Variants in KCNMA1 observed in about 807,000 individuals in gnomAD.
KCNMA1 encodes Calcium-activated potassium channel subunit alpha-1.
KCNMA1 carries 29 observed loss-of-function variants against 140.0 expected under a neutral mutation model. That is an observed-to-expected ratio of 0.21 (90% CI 0.15 to 0.28). The LOEUF (loss-of-function observed/expected upper bound fraction) is 0.28. Among genes scored for constraint, KCNMA1 ranks in the 10% least tolerant of loss-of-function variants. The probability of loss-of-function intolerance (pLI) is 1.00; values close to 1 mark genes in which losing one functional copy is unlikely to be tolerated. For missense variants in KCNMA1, 880 were observed against 1,602.2 expected (o/e 0.55, Z 7.70); for synonymous variants, 612 against 611.9 (o/e 1.00, Z 0.00).
At chr10:77,542,977 G>A (rs2060522412) in intron 1 of KCNMA1, among the ~76,000 whole-genome samples, 1 of 152,092 alleles carries the variant, frequency 6.6e-6, no homozygotes, top group African/African-American at 2.4e-5. Flanking sequence ...TAGAAAAAGA[G>A]CTATAAAACA....
Position 77,481,160 on chromosome 10 carries a change from C to T in KCNMA1, c.379-77137G>A, listed in dbSNP as rs1027145675. Among the ~76,000 whole-genome samples the T allele has an allele frequency of 8.6e-5, 13 of 151,030 alleles. No individual in the cohort carries two copies. The East Asian group carries it at 9.8e-4, about 11-fold the overall frequency. On this transcript the variant is annotated intron_variant, in intron 1 of 27. Transcript: ENST00000286628. ...ACACATGTGTATGCACATACACACG[C>T]GTGCACACACACACATACACACAGC...
At chr10:77,471,638 C>T (rs2098154817) in intron 1 of KCNMA1, among the ~76,000 whole-genome samples, 1 of 148,466 alleles carries the variant, frequency 6.7e-6, no homozygotes, top group Admixed American at 6.7e-5. Context: ...AATACACACC[C>T]AACACATATA....
At chr10:76,958,021 C>T (rs748252619) in intron 20 of KCNMA1, among the ~76,000 whole-genome samples, 81 of 152,308 alleles carry the variant, frequency 5.3e-4, no homozygotes, top group Middle Eastern at 6.8e-3. Flanking sequence ...AGTCAGTTGT[C>T]CACAGGGACT....
At chr10:77,303,334 T>C (rs1158130528) in intron 2 of KCNMA1, among the ~76,000 whole-genome samples, 1 of 152,100 alleles carries the variant, frequency 6.6e-6, no homozygotes, top group Non-Finnish European at 1.5e-5. Context: ...TTATGCATTA[T>C]CTCATAAAGG....
Position 77,345,459 on chromosome 10 carries a change from G to A in KCNMA1, c.540+58403C>T, listed in dbSNP as rs555729717. Reference sequence around the variant, plus strand: ...ATCAGGAGGAGATGCTTCTGACTTAGTGAGTCTAGAAGACCCTGGCCTCCC... The same window carrying A: ...ATCAGGAGGAGATGCTTCTGACTTAATGAGTCTAGAAGACCCTGGCCTCCC... On this transcript the variant is annotated intron_variant, in intron 2 of 27. Coordinates refer to ENST00000286628, the MANE Select transcript of KCNMA1 (RefSeq NM_001161352.2). 5.3e-5 allele frequency among the ~76,000 whole-genome samples: 8 copies of A among 152,308 alleles called. No individual in the cohort carries two copies. The South Asian group carries it at 1.2e-3, about 24-fold the overall frequency.
At chr10:77,530,003 C>T (rs754757003) in intron 1 of KCNMA1, among the ~76,000 whole-genome samples, 3 of 152,172 alleles carry the variant, frequency 2.0e-5, no homozygotes, top group Non-Finnish European at 2.9e-5. Context: ...GCGCATGCCC[C>T]GACAACAAAG....
chr10:77,524,224 A>C (rs2054684740), intron 1 of KCNMA1, among the ~76,000 whole-genome samples: 1 of 152,260 alleles, frequency 6.6e-6, no homozygotes, highest in Admixed American at 6.5e-5. Flanking sequence ...CACTCTCTAG[A>C]GAACACAGCT....
At chr10:77,072,776 C>G (rs912228869) in intron 14 of KCNMA1, among the ~76,000 whole-genome samples, 6 of 152,102 alleles carry the variant, frequency 3.9e-5, no homozygotes, top group Admixed American at 1.3e-4. Context: ...TTTAGGCGCT[C>G]TGTTGCCATA....
Position 77,134,997 on chromosome 10 carries a change from CAAAAAAAAAAAAAA to C in KCNMA1, c.809-13963_809-13950del, listed in dbSNP as rs71028253. Among the ~76,000 whole-genome samples the C allele has an allele frequency of 4.4e-3, 52 of 11,770 alleles. 1 individual carries two copies. Among genetic ancestry groups the C allele is most frequent in the Middle Eastern group, 0.1 (1 of 10 alleles). The allele number at this position is 11,770 out of a possible 152,430, so 7.7% of individuals were successfully genotyped here. ...TGGGAGACAGAGCAAGACTCTGTCT[CAAAAAAAAAAAAAA>C]AAAAAAAAAAAAAAAAAGGAAGAAA... On this transcript the variant is annotated intron_variant, in intron 5 of 27. Transcript: ENST00000286628.
chr10:77,296,918 G>GGGGGGGGGGGGGGGA (rs34224383), intron 2 of KCNMA1, among the ~76,000 whole-genome samples: 1 of 144,602 alleles, frequency 6.9e-6, no homozygotes, highest in African/African-American at 2.5e-5. Context: ...TGGGCGGGGG[G>GGGGGGGGGGGGGGGA]GCGGTGGGGG....
chr10:77,600,134 T>A (rs556272478), intron 1 of KCNMA1, among the ~76,000 whole-genome samples: 1 of 152,212 alleles, frequency 6.6e-6, no homozygotes, highest in African/African-American at 2.4e-5. Context: ...CCTTGGCACA[T>A]GCTAAGATTC....
chr10:77,123,337 A>C (rs1158037628), intron 5 of KCNMA1, among the ~76,000 whole-genome samples: 1 of 152,184 alleles, frequency 6.6e-6, no homozygotes, highest in African/African-American at 2.4e-5. Flanking sequence ...TTCAAATTCT[A>C]AGGTCTCAAA....
At chr10:77,006,305 G>T (rs1189330513) in intron 18 of KCNMA1, among the ~76,000 whole-genome samples, 1 of 152,128 alleles carries the variant, frequency 6.6e-6, no homozygotes, top group Admixed American at 6.5e-5. Flanking sequence ...AAAAACATCT[G>T]CCATTCAATC....
At chr10:77,352,955 A>T (rs185051546) in intron 2 of KCNMA1, among the ~76,000 whole-genome samples, 10 of 152,340 alleles carry the variant, frequency 6.6e-5, no homozygotes, top group Non-Finnish European at 1.2e-4. Context: ...GGAAAGGCAA[A>T]GGCCAAATGG....
At chr10:77,301,000 G>T (rs540829654) in intron 2 of KCNMA1, among the ~76,000 whole-genome samples, 18 of 152,300 alleles carry the variant, frequency 1.2e-4, no homozygotes, top group South Asian at 2.1e-4. Context: ...CCAGATGGTT[G>T]TAACATGCAG....
At chr10:77,068,852 AACACACACACACAC>A (rs147592319) in intron 14 of KCNMA1, among the ~76,000 whole-genome samples, 20,937 of 133,622 alleles carry the variant, frequency 0.16, 1,831 homozygotes, top group Middle Eastern at 0.21. Context: ...TCACCCTCTA[AACACACACACACAC>A]ACACACACAC....
chr10:77,134,703 A>G (rs2097946327), intron 5 of KCNMA1, among the ~76,000 whole-genome samples: 1 of 152,126 alleles, frequency 6.6e-6, no homozygotes, highest in African/African-American at 2.4e-5. Flanking sequence ...GAAAGAATCA[A>G]CCGAGTGAAG....
chr10:77,178,152 G>T (rs1052318453), intron 5 of KCNMA1, among the ~76,000 whole-genome samples: 19 of 152,152 alleles, frequency 1.2e-4, no homozygotes, highest in African/African-American at 4.6e-4. Context: ...ACAGACAATA[G>T]AATCAAGTTT....
intron 25 of KCNMA1, 151 bp downstream of exon 25, chr10:76,909,815 T>C: frequency 1.3e-6 from 1 of 785,740 alleles, no homozygotes; most frequent in Non-Finnish European, 2.1e-6. Flanking sequence ...GTGATGGTTT[T>C]ATAATGTGGG....
Sources: gnomAD v4.1 joint callset for allele counts (sites outside exome capture counted in the v4.1 genomes callset) on GRCh38, gnomAD v4.1.1 for gene constraint, MANE v1.5 for transcripts, NCBI Gene and HGNC (gene_info 2026-07-23, HGNC 2026-07-21) for gene names.